The following ZNF599 variants were observed in gnomAD, a reference collection of about 807,000 sequenced individuals.
The protein encoded by ZNF599 is zinc finger protein 599.
ZNF599 carries 10 observed loss-of-function variants against 11.7 expected under a neutral mutation model. The observed-to-expected ratio is 0.86, with a 90% confidence interval of 0.53 to 1.45. The LOEUF is 1.45. Ranked by LOEUF, ZNF599 falls within the 40% of genes most tolerant of loss-of-function variation. The pLI is 0.00. For synonymous variants in ZNF599, 232 were observed against 253.2 expected (o/e 0.92, Z 0.79); for missense variants, 688 against 713.6 (o/e 0.96, Z 0.41).
At chr19:34,789,798 G>A in the ZNF599 span, among the ~76,000 whole-genome samples, 1 of 152,058 alleles carries the variant, frequency 6.6e-6, no homozygotes, top group African/African-American at 2.4e-5. Context: ...CGATCTGTAG[G>A]TTGTCTCTTC....
chr19:34,761,769 A>G (rs941613192), intron 3 of ZNF599, among the ~76,000 whole-genome samples: 1 of 152,216 alleles, frequency 6.6e-6, no homozygotes, highest in African/African-American at 2.4e-5. Flanking sequence ...TACCACATAC[A>G]GAATTACCTC....
chr19:34,795,816 C>CT, the ZNF599 span, among the ~76,000 whole-genome samples: 1 of 151,764 alleles, frequency 6.6e-6, no homozygotes, highest in Non-Finnish European at 1.5e-5. Flanking sequence ...TGTGCATTTT[C>CT]TTTTCTTTTT....
In ZNF599 at chr19:34,760,271, G is replaced by A. The variant is rs779777514; in HGVS notation, c.530C>T (p.Ala177Val). The A allele has an allele frequency of 5.6e-6, 9 of 1,614,052 alleles. No homozygotes were observed. The highest frequency in any genetic ancestry group is 1.7e-5 in the Admixed American group (1 of 60,008). Residue 177 changes from alanine (A) to valine (V), a missense_variant, in exon 4 of 4, where the codon GCT (alanine) becomes GTT (valine). Ala to Val is a moderately conservative substitution (Grantham distance 64). Transcript: ENST00000329285. ...VLQERVTPQD[A>V]LHECDSQGPG... ...TCCTTGAGAGTCACACTCATGGAGAGCATCTTGTGGAGTGACTCGTTCCTG... is the reference window on the plus strand; with the variant it reads ...TCCTTGAGAGTCACACTCATGGAGAACATCTTGTGGAGTGACTCGTTCCTG...
intron 1 of ZNF599, among the ~76,000 whole-genome samples, chr19:34,771,884 G>A (rs1313862303): frequency 1.3e-5 from 2 of 152,152 alleles, no homozygotes; most frequent in African/African-American, 4.8e-5. Flanking sequence ...TCAAGATAAA[G>A]TCAGAAGACT....
chr19:34,781,265 AAG>A, the ZNF599 span, among the ~76,000 whole-genome samples: 2 of 152,134 alleles, frequency 1.3e-5, no homozygotes, highest in Admixed American at 1.3e-4. Flanking sequence ...GAAACAAAGA[AAG>A]AGAGAAGAAA....
the ZNF599 span, among the ~76,000 whole-genome samples, chr19:34,784,747 A>G: frequency 6.6e-6 from 1 of 151,772 alleles, no homozygotes; most frequent in African/African-American, 2.4e-5. Flanking sequence ...ATCCATCTCG[A>G]ATCGATACCC....
At chr19:34,772,572 G>A (rs934425852) in intron 1 of ZNF599, 2 of 1,335,140 alleles carry the variant, frequency 1.5e-6, no homozygotes, top group Non-Finnish European at 1.9e-6. Context: ...AATGGAGGCC[G>A]AGGGCAGCGA....
chr19:34,760,680 A>G, intron 3 of ZNF599, 121 bp from the exon 4 acceptor site: 3 of 897,416 alleles, frequency 3.3e-6, no homozygotes, highest in Non-Finnish European at 4.9e-6. Flanking sequence ...CTGCATTTTT[A>G]CATCTCTCAA....
chr19:34,792,668 C>A, the ZNF599 span, among the ~76,000 whole-genome samples: 1 of 152,046 alleles, frequency 6.6e-6, no homozygotes, highest in East Asian at 1.9e-4. Flanking sequence ...TCGAGACCAT[C>A]CTGGCTAACA....
At chr19:34,767,285 GA>G (rs1440845716) in intron 3 of ZNF599, 30 bp downstream of exon 3, 1 of 1,584,162 alleles carries the variant, frequency 6.3e-7, no homozygotes, top group Non-Finnish European at 8.7e-7. Flanking sequence ...AGGCTGCCCT[GA>G]TACCCGCTGC....
the ZNF599 span, among the ~76,000 whole-genome samples, chr19:34,798,006 T>C: frequency 5.1e-3 from 780 of 152,258 alleles, 5 homozygotes; most frequent in African/African-American, 0.018. Flanking sequence ...GCTATGAACA[T>C]CTGCTTTTCT....
chr19:34,788,144 A>G, the ZNF599 span, among the ~76,000 whole-genome samples: 48 of 152,170 alleles, frequency 3.2e-4, no homozygotes, highest in Non-Finnish European at 1.2e-4. Context: ...TGCAAATTCT[A>G]TGGCATTTTA....
At chr19:34,806,908 C>T in the ZNF599 span, among the ~76,000 whole-genome samples, 20 of 152,278 alleles carry the variant, frequency 1.3e-4, no homozygotes, top group Non-Finnish European at 4.4e-5. Context: ...CTTAGTAAAC[C>T]TTTATTGCTG....
the ZNF599 span, among the ~76,000 whole-genome samples, chr19:34,801,729 G>C: frequency 2.0e-5 from 3 of 152,314 alleles, no homozygotes; most frequent in African/African-American, 7.2e-5. Context: ...GTTGTAAGTG[G>C]CCTGGTGCTG....
chr19:34,763,850 G>A (rs1042586476), intron 3 of ZNF599: 1 of 152,086 alleles, frequency 6.6e-6, no homozygotes, highest in Non-Finnish European at 1.5e-5. Flanking sequence ...TTGGGAGGCT[G>A]AGGCAGGAAG....
chr19:34,795,440 A>G, the ZNF599 span, among the ~76,000 whole-genome samples: 1 of 151,996 alleles, frequency 6.6e-6, no homozygotes, highest in South Asian at 2.1e-4. Flanking sequence ...CTGCCCAGCT[A>G]TTTTTTTAAA....
the ZNF599 span, among the ~76,000 whole-genome samples, chr19:34,778,580 C>G: frequency 6.6e-6 from 1 of 152,132 alleles, no homozygotes; most frequent in Non-Finnish European, 1.5e-5. Context: ...TTGGCAAACA[C>G]TACAAGTCAG....
chr19:34,783,739 C>G, the ZNF599 span, among the ~76,000 whole-genome samples: 3 of 152,128 alleles, frequency 2.0e-5, no homozygotes, highest in African/African-American at 7.2e-5. Context: ...TCAGCAAGAT[C>G]GTACTTACCA....
At chr19:34,767,487 A>C (rs928708429) in intron 2 of ZNF599, 76 bp from the exon 3 acceptor site, 2 of 1,169,574 alleles carry the variant, frequency 1.7e-6, no homozygotes, top group African/African-American at 3.0e-5. Flanking sequence ...AAAGGAGTAC[A>C]TATATTTAAC....
Sources: allele counts gnomAD v4.1 joint callset (sites outside exome capture counted in the v4.1 genomes callset), GRCh38; gene constraint gnomAD v4.1.1; transcripts MANE v1.5; gene names NCBI Gene and HGNC (gene_info 2026-07-23, HGNC 2026-07-21).